The following STRA6 variants were observed in gnomAD, a reference collection of about 807,000 sequenced individuals.
STRA6 encodes receptor for retinol uptake STRA6.
In STRA6, 48 loss-of-function variants were observed where a neutral mutation model predicts 83.6. The observed-to-expected ratio is 0.57, with a 90% CI of 0.46 to 0.73. STRA6 has a LOEUF of 0.73. STRA6 is among the 30% of genes least tolerant of loss of function. The probability of loss-of-function intolerance (pLI) is 0.00; values close to 1 mark genes in which losing one functional copy is unlikely to be tolerated. For synonymous variants in STRA6, 353 were observed against 362.3 expected (o/e 0.97, Z 0.29); for missense variants, 760 against 838.8 (o/e 0.91, Z 1.16).
At chr15:74,185,539 G>C (rs1481454240) in intron 12 of STRA6, among the ~76,000 whole-genome samples, 1 of 152,242 alleles carries the variant, frequency 6.6e-6, no homozygotes, top group African/African-American at 2.4e-5. Context: ...GGCATAGAGG[G>C]TGTGAGTCCA....
chr15:74,195,533 C>G, intron 6 of STRA6, 65 bp from the exon 7 acceptor site: 5 of 1,595,176 alleles, frequency 3.1e-6, no homozygotes, highest in Non-Finnish European at 4.3e-6. Context: ...GCAGTGAGCC[C>G]ACCCAGGCCT....
At chr15:74,182,131 A>C in intron 16 of STRA6, 30 bp downstream of exon 16, 1 of 1,582,330 alleles carries the variant, frequency 6.3e-7, no homozygotes, top group Non-Finnish European at 8.7e-7. Context: ...CGAGGGCCTG[A>C]GGGAGCCACA....
rs201008326 is a variant in STRA6 at position 74,180,783 on chromosome 15, T to A, written c.1839A>T (p.Glu613Asp). ...CCCATTCCCAGTGGGAGGGCGCACCTTCGTCTTCCTCCCCTGGTCTGAGGC... is the reference window on the plus strand; with the variant it reads ...CCCATTCCCAGTGGGAGGGCGCACCATCGTCTTCCTCCCCTGGTCTGAGGC... ...QDSLRPGEED[E>D]GMQLLQTKDS... The change falls in exon 18 of 19, where the codon GAA (glutamate) becomes GAT (aspartate). Residue 613 changes from glutamate to aspartate, a missense_variant and splice_region_variant. Physicochemically the swap from Glu to Asp is conservative, Grantham distance 45. Coordinates refer to ENST00000395105, the MANE Select transcript of STRA6 (RefSeq NM_022369.4). The A allele has an allele frequency of 3.1e-6, 5 of 1,604,250 alleles. No homozygotes were observed. Among genetic ancestry groups the A allele is most frequent in the Non-Finnish European group, 4.3e-6 (5 of 1,172,150 alleles).
upstream of STRA6, chr15:74,207,621 C>T: frequency 7.3e-7 from 1 of 1,375,358 alleles, no homozygotes; most frequent in East Asian, 2.5e-5. Context: ...CTCAGGTACA[C>T]CCCCAACTTC....
chr15:74,186,681 G>T (rs1409026269), intron 12 of STRA6, among the ~76,000 whole-genome samples: 1 of 152,194 alleles, frequency 6.6e-6, no homozygotes, highest in East Asian at 1.9e-4. Flanking sequence ...TGAAATGGGA[G>T]AATTGCTTGA....
At chr15:74,202,428 C>T in intron 1 of STRA6, 146 bp from the exon 2 acceptor site, 2 of 1,537,070 alleles carry the variant, frequency 1.3e-6, no homozygotes, top group Non-Finnish European at 1.7e-6. Context: ...TTTTAGCTCT[C>T]TGGGAAAAGC....
At position 74,195,995 on chromosome 15, in the gene STRA6, G is replaced by A; in HGVS notation, c.406+13C>T. ...CATCACACCAACCCCAGGGCCTGGG[G>A]GTCAGTGGGTACCTTGGCTGGGTGC... On this transcript the variant is annotated intron_variant, in intron 5 of 18. Transcript: ENST00000395105. 6.2e-7 allele frequency: 1 copy of A among 1,613,754 alleles called. No homozygotes were observed. The highest frequency in any genetic ancestry group is 8.5e-7 in the Non-Finnish European group (1 of 1,179,948).
intron 12 of STRA6, among the ~76,000 whole-genome samples, chr15:74,186,848 G>A (rs938458008): frequency 1.1e-4 from 16 of 152,206 alleles, no homozygotes; most frequent in Non-Finnish European, 2.4e-4. Context: ...TGATTCAGTA[G>A]GTCTGGCACA....
At position 74,194,531 on chromosome 15, in the gene STRA6, C is replaced by T. The variant is rs1048172522; in HGVS notation, c.598-609G>A. 2.2e-5 allele frequency: 9 copies of T among 418,248 alleles called. 1 individual carries two copies. The Admixed American group carries it at 2.8e-4, about 13-fold the overall frequency. 25.9% of individuals were successfully genotyped at this position (418,248 alleles called of 1,614,324 possible). Reference sequence around the variant, plus strand: ...GGACTGGTGTTATCAGCTCCATGGACGGATGGAGAAACGGTCTCAGAAAGG... The same window carrying T: ...GGACTGGTGTTATCAGCTCCATGGATGGATGGAGAAACGGTCTCAGAAAGG... On this transcript the variant is annotated intron_variant, in intron 7 of 18. Transcript: ENST00000395105.
upstream of STRA6, among the ~76,000 whole-genome samples, chr15:74,205,689 G>A (rs1180113038): frequency 2.0e-5 from 3 of 152,182 alleles, no homozygotes; most frequent in Non-Finnish European, 2.9e-5. Flanking sequence ...ATCTGCCCAG[G>A]GGCTGCAGCC....
upstream of STRA6, among the ~76,000 whole-genome samples, chr15:74,210,022 C>T (rs2074346101): frequency 3.3e-5 from 5 of 152,008 alleles, no homozygotes; most frequent in South Asian, 1.0e-3. Flanking sequence ...AATGCCAGAG[C>T]CAGGCCTGCC....
At chr15:74,202,815 T>C (rs972516031), upstream of STRA6, 31 of 1,094,846 alleles carry the variant, frequency 2.8e-5, no homozygotes, top group Non-Finnish European at 3.3e-5. Context: ...TGGGCTCCCT[T>C]GAGCCCCTCC....
At chr15:74,196,268 T>C in intron 4 of STRA6, 121 bp from the exon 5 acceptor site, 7 of 1,411,938 alleles carry the variant, frequency 5.0e-6, no homozygotes, top group East Asian at 5.0e-5. Context: ...GATGGGGGAA[T>C]AAGGCCCCTT....
intron 16 of STRA6, among the ~76,000 whole-genome samples, chr15:74,181,913 C>A (rs530327931): frequency 1.3e-5 from 2 of 152,176 alleles, no homozygotes; most frequent in African/African-American, 2.4e-5. Flanking sequence ...AGAGCAGTAC[C>A]GATTCCCAAA....
At chr15:74,202,481 GACAGGGCCTCTCGTGTCCCCTCCTCCCT>G (rs1295082132) in intron 1 of STRA6, 199 bp from the exon 2 acceptor site, 1 of 1,535,536 alleles carries the variant, frequency 6.5e-7, no homozygotes, top group African/African-American at 1.4e-5. Flanking sequence ...ACGGGAAGAG[GACAGGGCCTCTCGTGTCCCCTCCTCCCT>G]TCCCGCCCAT....
intron 1 of STRA6, 156 bp from the exon 2 acceptor site, chr15:74,202,438 C>G: frequency 6.5e-7 from 1 of 1,536,518 alleles, no homozygotes; most frequent in Non-Finnish European, 8.7e-7. Context: ...CTGGGAAAAG[C>G]CCGTCTGGGA....
chr15:74,203,023 A>G (rs2074157402), upstream of STRA6: 2 of 985,714 alleles, frequency 2.0e-6, no homozygotes, highest in Non-Finnish European at 2.4e-6. Context: ...CGCCTGCCCC[A>G]GAGCTCCCAA....
Position 74,202,177 on chromosome 15 carries a change from C to G in STRA6, c.91G>C (p.Gly31Arg), listed in dbSNP as rs111489755. The change falls in exon 2 of 19, where the codon GGC (glycine) becomes CGC (arginine). Residue 31 changes from glycine (G) to arginine (R), a missense_variant. By Grantham distance (125) the Gly-to-Arg change is moderately radical. Transcript: ENST00000395105. ...GSWYIDEPQG[G>R]EELQPEGEVP... ...TACCCCTCTGGCTGGAGCTCCTCGCCCCCCTGGGGCTCATCGATGTACCAG... is the reference window on the plus strand; with the variant it reads ...TACCCCTCTGGCTGGAGCTCCTCGCGCCCCTGGGGCTCATCGATGTACCAG... 1.7e-5 allele frequency: 26 copies of G among 1,505,380 alleles called. No homozygotes were observed. Among genetic ancestry groups the G allele is most frequent in the Non-Finnish European group, 2.3e-5 (26 of 1,129,484 alleles). The allele number at this position is 1,505,380 out of a possible 1,614,324, so 93.3% of individuals were successfully genotyped here. A position where few individuals can be genotyped will look rare whatever the true frequency, so the allele number is the denominator to read the frequency against.
Position 74,181,334 on chromosome 15 carries a change from G to C in STRA6, c.1645C>G (p.Leu549Val). The C allele has an allele frequency of 6.2e-7, 1 of 1,608,194 alleles. No homozygotes were observed. The highest frequency in any genetic ancestry group is 8.5e-7 in the Non-Finnish European group (1 of 1,177,984). Residue 549 changes from leucine (L) to valine (V), a missense_variant, in exon 17 of 19, where the codon CTC (leucine) becomes GTC (valine). Coordinates refer to ENST00000395105, the MANE Select transcript of STRA6 (RefSeq NM_022369.4). The part of the protein sequence containing the change: ...YNAIHLGQMD[L>V]SLLPPRAATL... ...GCGGCTCTCGGTGGCAGCAGGCTGA[G>C]GTCCATCTGGCCAAGGTGGATGGCG...
Sources: gnomAD v4.1 joint callset for allele counts (sites outside exome capture counted in the v4.1 genomes callset) on GRCh38, gnomAD v4.1.1 for gene constraint, MANE v1.5 for transcripts, NCBI Gene and HGNC (gene_info 2026-07-23, HGNC 2026-07-21) for gene names.